IFIH1: variants seen among roughly 807,000 people sequenced by gnomAD.
IFIH1 encodes the protein interferon induced with helicase C domain 1.
IFIH1 carries 125 observed loss-of-function variants against 107.4 expected under a neutral mutation model. The observed-to-expected ratio is 1.16, with a 90% CI of 1.01 to 1.35. The LOEUF is 1.35. Ranked by LOEUF, IFIH1 falls within the 40% of genes most tolerant of loss-of-function variation. The pLI is 0.00. For synonymous variants in IFIH1, 458 were observed against 413.2 expected (o/e 1.11, Z -1.31); for missense variants, 1,333 against 1,213.7 (o/e 1.10, Z -1.46).
At position 162,277,594 on chromosome 2, in the gene IFIH1, G is replaced by A. The variant is rs186942719; in HGVS notation, c.1865C>T (p.Ala622Val). 3.2e-5 allele frequency: 52 copies of A among 1,609,758 alleles called. No individual in the cohort carries two copies. The highest frequency in any genetic ancestry group is 1.3e-4 in the East Asian group (6 of 44,808). Residue 622 changes from alanine (A) to valine (V), a missense_variant, in exon 10 of 16, where the codon GCG becomes GTG. Ala to Val is a moderately conservative substitution (Grantham distance 64). Coordinates refer to ENST00000649979, the MANE Select transcript of IFIH1 (RefSeq NM_022168.4). ...ATAGAAAGTTTCAAGATGAGTATAC[G>A]CATCTATCATTCGAATTGTGTCATT... ...QINDTIRMID[A>V]YTHLETFYNE...
intron 13 of IFIH1, among the ~76,000 whole-genome samples, chr2:162,270,170 A>T (rs1691007583): frequency 6.6e-6 from 1 of 152,186 alleles, no homozygotes; most frequent in African/African-American, 2.4e-5. Flanking sequence ...AACTCATAAT[A>T]AATATACAGG....
At chr2:162,283,743 C>G (rs1183988102) in intron 5 of IFIH1, among the ~76,000 whole-genome samples, 1 of 151,874 alleles carries the variant, frequency 6.6e-6, no homozygotes, top group African/African-American at 2.4e-5. Context: ...CTAAAGGGAA[C>G]AGCTACCTTA....
intron 3 of IFIH1, among the ~76,000 whole-genome samples, chr2:162,303,542 C>A: frequency 6.7e-6 from 1 of 149,824 alleles, no homozygotes. Flanking sequence ...GTGCCTGGCA[C>A]ATGATAGGAG....
In IFIH1 at chr2:162,275,273, T is replaced by C. The variant is rs969928233; in HGVS notation, c.2305-1329A>G. On this transcript the variant is annotated intron_variant, in intron 11 of 15. Transcript: ENST00000649979. ...TAAGGAGCAGAAAGTAGCTTGAACA[T>C]AGGCTTTTCATTTGCACTCTACCTC... 6.6e-5 allele frequency among the ~76,000 whole-genome samples: 10 copies of C among 152,158 alleles called. 1 individual carries two copies. Among genetic ancestry groups the C allele is most frequent in the Middle Eastern group, 6.3e-3 (2 of 316 alleles).
chr2:162,277,666 C>A lies in IFIH1; in HGVS notation c.1793G>T (p.Arg598Leu). Residue 598 changes from arginine to leucine, a missense_variant, in exon 10 of 16, where the codon CGT (arginine) becomes CTT (leucine). Arg to Leu is a moderately radical substitution (Grantham distance 102). Transcript: ENST00000649979. Reference sequence around the variant, plus strand: ...CTTCCTCAAATGTTCTGCACAAACACGTTCTTTGCGATTTCCTTCTTTTGC... The same window carrying A: ...CTTCCTCAAATGTTCTGCACAAACAAGTTCTTTGCGATTTCCTTCTTTTGC... The part of the protein sequence containing the change: ...KAAKEGNRKE[R>L]VCAEHLRKYN... 1 of 1,604,688 alleles carries A rather than the reference C, an allele frequency of 6.2e-7. No individual in the cohort carries two copies. The highest frequency in any genetic ancestry group is 8.5e-7 in the Non-Finnish European group (1 of 1,175,710).
At chr2:162,278,169 G>A (rs757072471) in intron 9 of IFIH1, 36 bp downstream of exon 9, 16 of 1,561,970 alleles carry the variant, frequency 1.0e-5, no homozygotes, top group East Asian at 4.5e-5. Flanking sequence ...GTATAAACAT[G>A]GGATAAACTA....
chr2:162,282,527 T>C lies in IFIH1; in HGVS notation c.1145A>G (p.Lys382Arg). The C allele has an allele frequency of 1.2e-6, 2 of 1,611,768 alleles. No homozygotes were observed. The highest frequency in any genetic ancestry group is 2.2e-5 in the South Asian group (2 of 90,966). Residue 382 changes from lysine to arginine, a missense_variant, in exon 6 of 16, where the codon AAG becomes AGG. Physicochemically the swap from Lys to Arg is conservative, Grantham distance 26. Coordinates refer to ENST00000649979, the MANE Select transcript of IFIH1 (RefSeq NM_022168.4). ...LFRKEFQPFL[K>R]KWYRVIGLSG... ...TAATCCAATAACACGATACCATTTC[T>C]TCAAAAATGGTTGGAACTCCTTGCG...
chr2:162,316,013 G>A (rs913994157), intron 1 of IFIH1, among the ~76,000 whole-genome samples: 3 of 152,208 alleles, frequency 2.0e-5, no homozygotes, highest in Admixed American at 1.3e-4. Context: ...GTACACAAAA[G>A]TCCCGTTACT....
rs200017837 is a variant in IFIH1 at position 162,277,606 on chromosome 2, C to A, written c.1853G>T (p.Arg618Leu). 3.1e-6 allele frequency: 5 copies of A among 1,613,214 alleles called. No homozygotes were observed. In the East Asian group the frequency reaches 1.1e-4, roughly 36 times the overall value. ...NEALQINDTI[R>L]MIDAYTHLET... ...AAGATGAGTATACGCATCTATCATT[C>A]GAATTGTGTCATTAATTTGTAGGGC... is the stretch of plus-strand genomic sequence containing the variant. The change falls in exon 10 of 16, where the codon CGA (arginine) becomes CTA (leucine). Residue 618 changes from arginine (R) to leucine (L), a missense_variant. Coordinates refer to ENST00000649979, the MANE Select transcript of IFIH1 (RefSeq NM_022168.4).
chr2:162,267,416 T>C, intron 15 of IFIH1, 37 bp from the exon 16 acceptor site: 1 of 1,613,462 alleles, frequency 6.2e-7, no homozygotes. Context: ...GAAAATTAAA[T>C]GTACATGCAA....
At chr2:162,282,015 C>A (rs539496351) in intron 6 of IFIH1, among the ~76,000 whole-genome samples, 7 of 151,720 alleles carry the variant, frequency 4.6e-5, no homozygotes, top group South Asian at 4.1e-4. Context: ...TTTTTCCATT[C>A]TTTCTCCTAC....
chr2:162,277,438 C>T lies in IFIH1; in HGVS notation c.2021G>A (p.Arg674Lys), dbSNP rs758006242. The T allele has an allele frequency of 3.1e-6, 5 of 1,608,526 alleles. No individual in the cohort carries two copies. The highest frequency in any genetic ancestry group is 3.4e-5 in the Admixed American group (2 of 59,200). ...KKPLKLDETD[R>K]FLMTLFFENN... ...ACCAAAAAATAAAGTCATGAGAAATCTATCTGTTTCATCCAGTTTCAAAGG... is the reference window on the plus strand; with the variant it reads ...ACCAAAAAATAAAGTCATGAGAAATTTATCTGTTTCATCCAGTTTCAAAGG... The change falls in exon 10 of 16, where the codon AGA becomes AAA. Residue 674 changes from arginine to lysine, a missense_variant. Physicochemically the swap from Arg to Lys is conservative, Grantham distance 26. Coordinates refer to ENST00000649979, the MANE Select transcript of IFIH1 (RefSeq NM_022168.4).
chr2:162,288,157 T>C lies in IFIH1; in HGVS notation c.1073A>G (p.Lys358Arg), dbSNP rs1377594430. The stretch of plus-strand genomic sequence containing the variant: ...TACCTTATTGACAAGAACTATAACT[T>C]TTCCAGGCTCAGATGCTTTTTTCTT... ...DKKKKASEPG[K>R]VIVLVNKVLL... The change falls in exon 5 of 16, where the codon AAA (lysine) becomes AGA (arginine). Residue 358 changes from lysine to arginine, a missense_variant. Physicochemically the swap from Lys to Arg is conservative, Grantham distance 26 (BLOSUM62 2). Transcript: ENST00000649979. 2 of 1,611,478 alleles carry C rather than the reference T, an allele frequency of 1.2e-6. No homozygotes were observed. Among genetic ancestry groups the C allele is most frequent in the African/African-American group, 1.3e-5 (1 of 74,770 alleles).
At chr2:162,297,489 T>C (rs76340454) in intron 3 of IFIH1, among the ~76,000 whole-genome samples, 1 of 152,150 alleles carries the variant, frequency 6.6e-6, no homozygotes, top group African/African-American at 2.4e-5. Flanking sequence ...AAAAAATATA[T>C]AGAGAGAGAT....
chr2:162,288,727 G>C (rs1411380150), intron 4 of IFIH1, among the ~76,000 whole-genome samples: 1 of 151,866 alleles, frequency 6.6e-6, no homozygotes, highest in Non-Finnish European at 1.5e-5. Context: ...CCATTTCTTT[G>C]TGGAGCCACT....
chr2:162,304,077 A>AAAC (rs749165401), intron 3 of IFIH1, among the ~76,000 whole-genome samples: 3 of 152,190 alleles, frequency 2.0e-5, no homozygotes, highest in African/African-American at 7.2e-5. Context: ...CTCAAATGAA[A>AAAC]AACAACAACA....
intron 3 of IFIH1, among the ~76,000 whole-genome samples, chr2:162,297,755 G>C (rs910391489): frequency 6.6e-6 from 1 of 151,928 alleles, no homozygotes; most frequent in South Asian, 2.1e-4. Context: ...AAAAGCTATT[G>C]GAATGAATGA....
rs1683544639 is a variant in IFIH1, at chr2:162,318,088, C to G, written c.220G>C (p.Gly74Arg). The stretch of plus-strand genomic sequence containing the variant: ...GCCTCCACGAATTCCCGAGTCCAAC[C>G]AAGGTGCCAGACTCCCTTCTCCAAG... ...STLEKGVWHL[G>R]WTREFVEALR... The change falls in exon 1 of 16, where the codon GGT becomes CGT. Residue 74 changes from glycine to arginine, a missense_variant. By Grantham distance (125) the Gly-to-Arg change is moderately radical. Transcript: ENST00000649979. 6.2e-7 allele frequency: 1 copy of G among 1,614,196 alleles called. No individual in the cohort carries two copies. Among genetic ancestry groups the G allele is most frequent in the South Asian group, 1.1e-5 (1 of 91,076 alleles).
intron 5 of IFIH1, among the ~76,000 whole-genome samples, chr2:162,283,225 C>T (rs1360472349): frequency 6.6e-6 from 1 of 151,768 alleles, no homozygotes; most frequent in Non-Finnish European, 1.5e-5. Context: ...CAGGGAACCA[C>T]AAGTGAGGAG....
Sources: gnomAD v4.1 joint callset for allele counts (sites outside exome capture counted in the v4.1 genomes callset) on GRCh38, gnomAD v4.1.1 for gene constraint, MANE v1.5 for transcripts, NCBI Gene and HGNC (gene_info 2026-07-23, HGNC 2026-07-21) for gene names.